Variants in CHN2 observed in about 807,000 individuals in gnomAD.
CHN2 encodes the protein beta-chimaerin.
In CHN2, 35 loss-of-function variants were observed where a neutral mutation model predicts 56.3. The observed-to-expected ratio is 0.62, with a 90% CI of 0.47 to 0.82. The LOEUF is 0.82. CHN2 is among the 40% of genes least tolerant of loss of function. The pLI is 0.00. For synonymous variants in CHN2, 210 were observed against 212.8 expected, an observed-to-expected ratio of 0.99 and a Z score of 0.12; for missense variants, 491 against 580.5, an observed-to-expected ratio of 0.85 and a Z score of 1.58.
intron 1 of CHN2, among the ~76,000 whole-genome samples, chr7:29,323,852 A>G (rs1795566287): frequency 7.2e-6 from 1 of 138,686 alleles, no homozygotes; most frequent in African/African-American, 2.7e-5. Flanking sequence ...AGATACAGAA[A>G]AAATAGCCGG....
At chr7:29,398,258 C>CAACAA in intron 4 of CHN2, 115 bp from the exon 5 acceptor site, 1 of 732,202 alleles carries the variant, frequency 1.4e-6, no homozygotes, top group Non-Finnish European at 2.4e-6. Flanking sequence ...CCCTTCTTCA[C>CAACAA]TCAGTTGTGG....
chr7:29,247,726 G>A (rs533448242), intron 1 of CHN2, among the ~76,000 whole-genome samples: 4 of 152,290 alleles, frequency 2.6e-5, no homozygotes, highest in South Asian at 2.1e-4. Context: ...TGGTATCACC[G>A]CCTGATCCAC....
At position 29,160,365 on chromosome 7, in the gene CHN2, CA is replaced by C. The variant is rs1795009881; in HGVS notation, c.274+13407del. 1.3e-5 allele frequency among the ~76,000 whole-genome samples: 2 copies of C among 152,178 alleles called. 1 individual carries two copies. Among genetic ancestry groups the C allele is most frequent in the South Asian group, 4.1e-4 (2 of 4,822 alleles). The stretch of plus-strand genomic sequence containing the variant: ...TTTTCCTGTTCCTGTATGTGGCTGA[CA>C]ACGTTACTGGCTTATCCATGTCATT... On this transcript the variant is annotated intron_variant, in intron 2 of 6. Coordinates refer to the CHN2 transcript ENST00000439384.
chr7:29,377,226 G>T (rs776060318), intron 3 of CHN2, among the ~76,000 whole-genome samples: 51 of 152,256 alleles, frequency 3.3e-4, no homozygotes, highest in Non-Finnish European at 6.8e-4. Flanking sequence ...GTTTCACCAT[G>T]TTGGCCAGGC....
intron 2 of CHN2, among the ~76,000 whole-genome samples, chr7:29,358,168 AACTTTG>A (rs1798452511): frequency 6.6e-6 from 1 of 152,194 alleles, no homozygotes; most frequent in African/African-American, 2.4e-5. Context: ...TTTTGGCCAT[AACTTTG>A]ACTTATTTAA....
intron 1 of CHN2, among the ~76,000 whole-genome samples, chr7:29,259,672 A>T (rs1038250672): frequency 2.0e-5 from 3 of 152,154 alleles, no homozygotes; most frequent in Non-Finnish European, 4.4e-5. Flanking sequence ...TTAATACTGT[A>T]TTGTATACTT....
In CHN2 at chr7:29,495,981, T is replaced by G. The variant is rs763140981; in HGVS notation, c.684T>G (p.Cys228Trp). The stretch of plus-strand genomic sequence containing the variant: ...ACACGTTCCGAGGCCCACACTGGTG[T>G]GAATATTGTGCCAATTTCATGTGGG... ...KVHTFRGPHW[C>W]EYCANFMWGL... The change falls in exon 8 of 13, where the codon TGT (cysteine) becomes TGG (tryptophan). Residue 228 changes from cysteine to tryptophan, a missense_variant. By Grantham distance (215) the Cys-to-Trp change is radical. Coordinates refer to ENST00000222792, the MANE Select transcript of CHN2 (RefSeq NM_004067.4). 10 of 1,613,154 alleles carry G rather than the reference T, an allele frequency of 6.2e-6. No homozygotes were observed. Among genetic ancestry groups the G allele is most frequent in the Non-Finnish European group, 8.5e-6 (10 of 1,179,712 alleles).
chr7:29,343,367 G>A (rs141871820), intron 1 of CHN2, among the ~76,000 whole-genome samples: 6 of 152,248 alleles, frequency 3.9e-5, no homozygotes, highest in East Asian at 1.9e-4. Flanking sequence ...CCAAATTGAA[G>A]CTCCTGTGTC....
rs184327062 is a variant in CHN2 at position 29,148,139 on chromosome 7, G to A, written c.274+1179G>A. On this transcript the variant is annotated intron_variant, in intron 2 of 6. Coordinates refer to the CHN2 transcript ENST00000439384. ...ATTAGCAGATAACACTGCTGCTGGC[G>A]TGCAGACCCTTGAAGCAGGCTCAGT... Among the ~76,000 whole-genome samples, 9 of 152,308 alleles carry A rather than the reference G, an allele frequency of 5.9e-5. No individual in the cohort carries two copies. In the East Asian group the frequency reaches 1.2e-3, roughly 20 times the overall value.
intron 6 of CHN2, among the ~76,000 whole-genome samples, chr7:29,473,589 G>C (rs546695961): frequency 6.6e-5 from 10 of 151,188 alleles, no homozygotes; most frequent in African/African-American, 2.2e-4. Flanking sequence ...CCCGAGACGA[G>C]CAACATCACC....
At chr7:29,197,809 C>T in intron 1 of CHN2, 1 of 391,938 alleles carries the variant, frequency 2.6e-6, no homozygotes, top group Non-Finnish European at 5.1e-6. Flanking sequence ...TTTGATAAAA[C>T]AAATTCTGTG....
At chr7:29,445,903 A>G (rs920241488) in intron 6 of CHN2, among the ~76,000 whole-genome samples, 3 of 152,100 alleles carry the variant, frequency 2.0e-5, no homozygotes, top group Non-Finnish European at 2.9e-5. Context: ...CGGAATTCCA[A>G]GCTTGCAAGG....
At chr7:29,373,889 T>G (rs1425095771) in intron 3 of CHN2, among the ~76,000 whole-genome samples, 1 of 152,152 alleles carries the variant, frequency 6.6e-6, no homozygotes, top group Non-Finnish European at 1.5e-5. Context: ...TCCACAGTTC[T>G]CCCCCTTTTC....
chr7:29,204,057 TTCTCTC>T (rs201492481), intron 1 of CHN2, among the ~76,000 whole-genome samples: 4 of 125,702 alleles, frequency 3.2e-5, no homozygotes, highest in African/African-American at 6.8e-5. Context: ...GCACACGTTT[TTCTCTC>T]TCTCTGTGTG....
At chr7:29,188,809 T>C (rs887307786) in intron 2 of CHN2, among the ~76,000 whole-genome samples, 4 of 152,236 alleles carry the variant, frequency 2.6e-5, no homozygotes, top group Non-Finnish European at 5.9e-5. Context: ...CCGGCATGGA[T>C]AATAGCTATA....
intron 1 of CHN2, among the ~76,000 whole-genome samples, chr7:29,313,773 A>G (rs1794760232): frequency 6.6e-6 from 1 of 152,034 alleles, no homozygotes; most frequent in Non-Finnish European, 1.5e-5. Flanking sequence ...CATACCCTTT[A>G]TCTCCTCTAC....
intron 6 of CHN2, among the ~76,000 whole-genome samples, chr7:29,428,666 C>T (rs1188002184): frequency 2.0e-5 from 3 of 152,242 alleles, no homozygotes; most frequent in East Asian, 1.9e-4. Flanking sequence ...TTTGGAAAAA[C>T]GTGACATAAT....
Position 29,293,365 on chromosome 7 carries a change from C to A in CHN2, c.50-61260C>A, listed in dbSNP as rs1176108198. On this transcript the variant is annotated intron_variant, in intron 1 of 12. Transcript: ENST00000222792. ...CCTTCTTCTGAGGGCAGCTAATGCC[C>A]CCCCCCCCCCCCATATTAACTCCAA... Among the ~76,000 whole-genome samples, 6 of 40,570 alleles carry A rather than the reference C, an allele frequency of 1.5e-4. No homozygotes were observed. The South Asian group carries it at 7.4e-3, about 50-fold the overall frequency. 26.6% of individuals were successfully genotyped at this position (40,570 alleles called of 152,430 possible).
Position 29,410,032 on chromosome 7 carries a change from CTCT to C in CHN2, c.576+9207_576+9209del, listed in dbSNP as rs1255847242. 4.6e-5 allele frequency among the ~76,000 whole-genome samples: 7 copies of C among 152,352 alleles called. No individual in the cohort carries two copies. The South Asian group carries it at 8.3e-4, about 18-fold the overall frequency. The stretch of plus-strand genomic sequence containing the variant: ...GCCTGCCCTGAGCACGACCTCAGAG[CTCT>C]TCCCAGTGGCTCTCACTAGGCGGTG... On this transcript the variant is annotated intron_variant, in intron 6 of 12. Coordinates refer to ENST00000222792, the MANE Select transcript of CHN2 (RefSeq NM_004067.4).
Sources: gnomAD v4.1 joint callset for allele counts (sites outside exome capture counted in the v4.1 genomes callset) on GRCh38, gnomAD v4.1.1 for gene constraint, MANE v1.5 for transcripts, NCBI Gene and HGNC (gene_info 2026-07-23, HGNC 2026-07-21) for gene names.